The following IREB2 variants were observed in gnomAD, a reference collection of about 807,000 sequenced individuals.
The protein encoded by IREB2 is iron responsive element binding protein 2.
A neutral mutation model predicts 118.8 loss-of-function variants in IREB2; 39 were observed. The ratio of observed to expected loss-of-function variants is 0.33; its 90% CI spans 0.25 to 0.43. IREB2 has a LOEUF of 0.43. Ranked by LOEUF, IREB2 falls within the 20% of genes least tolerant of loss-of-function variation. The probability of loss-of-function intolerance (pLI) is 1.00; values close to 1 mark genes in which losing one functional copy is unlikely to be tolerated. For missense variants in IREB2, 900 were observed against 1,147.3 expected, an observed-to-expected ratio of 0.78 and a Z score of 3.11; for synonymous variants, 372 against 392.2, an observed-to-expected ratio of 0.95 and a Z score of 0.61.
intron 2 of IREB2, among the ~76,000 whole-genome samples, chr15:78,444,273 A>C (rs1387234019): frequency 6.6e-6 from 1 of 152,148 alleles, no homozygotes; most frequent in Non-Finnish European, 1.5e-5. Flanking sequence ...TGGTGTCTCC[A>C]TGTATGATGG....
intron 5 of IREB2, among the ~76,000 whole-genome samples, chr15:78,467,067 G>A (rs745670319): frequency 7.9e-5 from 12 of 151,860 alleles, no homozygotes; most frequent in African/African-American, 2.7e-4. Context: ...AAAATTACCC[G>A]GGTGTGGTGT....
chr15:78,470,332 T>C (rs935612834), intron 5 of IREB2, among the ~76,000 whole-genome samples, 200 bp from the exon 6 acceptor site: 15 of 152,228 alleles, frequency 9.9e-5, no homozygotes, highest in Non-Finnish European at 1.9e-4. Flanking sequence ...CAACTCACTT[T>C]TGTAGCTTTC....
At position 78,498,397 on chromosome 15, in the gene IREB2, G is replaced by C. The variant is rs998201407; in HGVS notation, c.*254G>C. On this transcript the variant is annotated 3_prime_UTR_variant, in exon 22 of 22. Coordinates refer to ENST00000258886, the MANE Select transcript of IREB2 (RefSeq NM_004136.4). ...TGTGGAAGAGACCTGTAAGTATGGGGGGGGGGCGATATTTTATCAGACCAT... is the reference window on the plus strand; with the variant it reads ...TGTGGAAGAGACCTGTAAGTATGGGCGGGGGGCGATATTTTATCAGACCAT... 15 of 243,380 alleles carry C rather than the reference G, an allele frequency of 6.2e-5. 1 individual carries two copies. In the East Asian group the frequency reaches 9.5e-4, roughly 15 times the overall value. 15.1% of individuals were successfully genotyped at this position (243,380 alleles called of 1,614,324 possible).
At chr15:78,440,003 A>G (rs1950244931) in intron 2 of IREB2, 122 bp downstream of exon 2, 1 of 605,904 alleles carries the variant, frequency 1.7e-6, no homozygotes, top group Non-Finnish European at 2.9e-6. Flanking sequence ...ACACCTACAC[A>G]TACCTATACC....
chr15:78,474,928 G>T (rs978704729), intron 8 of IREB2: 1 of 151,788 alleles, frequency 6.6e-6, no homozygotes, highest in Non-Finnish European at 1.5e-5. Flanking sequence ...GGTGGCGGGC[G>T]CCTGTAGTCC....
chr15:78,448,250 T>A (rs1465743374), intron 2 of IREB2, among the ~76,000 whole-genome samples: 1 of 152,136 alleles, frequency 6.6e-6, no homozygotes, highest in Non-Finnish European at 1.5e-5. Context: ...GTTGAAGTGA[T>A]TCTCGTGCCT....
At chr15:78,485,930 A>G in intron 13 of IREB2, 90 bp downstream of exon 13, 1 of 1,084,514 alleles carries the variant, frequency 9.2e-7, no homozygotes, top group Non-Finnish European at 1.3e-6. Context: ...CAAAGAGAAG[A>G]TAGAAAAAAT....
upstream of IREB2, chr15:78,437,643 G>A (rs978190720): frequency 1.3e-5 from 2 of 152,762 alleles, no homozygotes; most frequent in Admixed American, 1.3e-4. Flanking sequence ...CGGAGGAGCT[G>A]AGGCGGAAGG....
chr15:78,452,430 G>C (rs1399045089), intron 2 of IREB2, among the ~76,000 whole-genome samples: 1 of 152,142 alleles, frequency 6.6e-6, no homozygotes, highest in East Asian at 1.9e-4. Context: ...AAATATTTTG[G>C]AATTATTAGT....
chr15:78,465,452 G>C lies in IREB2; in HGVS notation c.410+64G>C, dbSNP rs1206531535. 16 of 1,399,940 alleles carry C rather than the reference G, an allele frequency of 1.1e-5. No individual in the cohort carries two copies. In the East Asian group the frequency reaches 3.3e-4, roughly 29 times the overall value. The allele number at this position is 1,399,940 out of a possible 1,614,324, so 86.7% of individuals were successfully genotyped here. A position where few individuals can be genotyped will look rare whatever the true frequency, so the allele number is the denominator to read the frequency against. The stretch of plus-strand genomic sequence containing the variant: ...TAATTGGCTGGAAATGTGTCATGTA[G>C]AGGAAAAGGAATAGAGATAATTTAT... On this transcript the variant is annotated intron_variant, in intron 4 of 21. Coordinates refer to ENST00000258886, the MANE Select transcript of IREB2 (RefSeq NM_004136.4).
chr15:78,438,421 C>T (rs1489571119), intron 1 of IREB2, 65 bp downstream of exon 1: 3 of 1,549,924 alleles, frequency 1.9e-6, no homozygotes, highest in African/African-American at 1.4e-5. Context: ...GCGCCGAATT[C>T]CTTGCTTTTC....
chr15:78,451,397 A>C (rs570600081), intron 2 of IREB2, among the ~76,000 whole-genome samples: 21 of 152,318 alleles, frequency 1.4e-4, no homozygotes, highest in African/African-American at 5.1e-4. Context: ...TCAATCATAC[A>C]AGAGTTTTTC....
chr15:78,494,159 T>G lies in IREB2; in HGVS notation c.2490T>G (p.Ala830=), dbSNP rs775818587. The part of the protein sequence containing the change: ...PSGQTLDVFE[A]AELYQKEGIP... ...ATCTACAGCTAGATGTATTTGAGGC[T>G]GCAGAGCTGTACCAGAAAGAAGGTA... Residue 830 remains alanine (A), a synonymous_variant, in exon 20 of 22, where the codon GCT becomes GCG. Coordinates refer to ENST00000258886, the MANE Select transcript of IREB2 (RefSeq NM_004136.4). The G allele has an allele frequency of 1.9e-6, 3 of 1,614,052 alleles. No individual in the cohort carries two copies. In the South Asian group the frequency reaches 3.3e-5, roughly 18 times the overall value.
intron 18 of IREB2, among the ~76,000 whole-genome samples, 156 bp from the exon 19 acceptor site, chr15:78,493,749 GTTAT>G (rs1451517962): frequency 6.6e-6 from 1 of 152,148 alleles, no homozygotes; most frequent in Non-Finnish European, 1.5e-5. Flanking sequence ...CATCTGTTAA[GTTAT>G]AGCTTGGTGA....
In IREB2 at chr15:78,473,237, G is replaced by C. The variant is rs370273222; in HGVS notation, c.884-5G>C. On this transcript the variant is annotated splice_polypyrimidine_tract_variant and splice_region_variant and intron_variant, in intron 7 of 21. Coordinates refer to ENST00000258886, the MANE Select transcript of IREB2 (RefSeq NM_004136.4). ...GTGCTAATATACCTGTCTTTATTAC[G>C]TTAGGGGTTGGAGGCATTGAAACAG... 6.8e-6 allele frequency: 11 copies of C among 1,612,968 alleles called. No homozygotes were observed. In the African/African-American group the frequency reaches 1.5e-4, roughly 22 times the overall value.
intron 2 of IREB2, among the ~76,000 whole-genome samples, chr15:78,453,173 G>A (rs1303857038): frequency 1.3e-5 from 2 of 152,206 alleles, no homozygotes; most frequent in Non-Finnish European, 2.9e-5. Flanking sequence ...CTGTTCACAA[G>A]TCTTGAAGAA....
chr15:78,467,322 G>T (rs1456317584), intron 5 of IREB2, among the ~76,000 whole-genome samples: 1 of 152,018 alleles, frequency 6.6e-6, no homozygotes, highest in Non-Finnish European at 1.5e-5. Flanking sequence ...ATGGAAAGTA[G>T]TAAACATGCC....
At chr15:78,485,977 A>G (rs2051653410) in intron 13 of IREB2, 137 bp downstream of exon 13, 2 of 715,744 alleles carry the variant, frequency 2.8e-6, no homozygotes, top group Non-Finnish European at 4.6e-6. Context: ...CCATTACCAT[A>G]CAATTTTTGA....
chr15:78,465,139 T>G (rs1480987668), intron 3 of IREB2, 112 bp from the exon 4 acceptor site: 1 of 804,398 alleles, frequency 1.2e-6, no homozygotes. Context: ...GAAAAATGAA[T>G]GTAAACTAGA....
Sources: allele counts gnomAD v4.1 joint callset (sites outside exome capture counted in the v4.1 genomes callset), GRCh38; gene constraint gnomAD v4.1.1; transcripts MANE v1.5; gene names NCBI Gene and HGNC (gene_info 2026-07-23, HGNC 2026-07-21).